The following GLT8D2 variants were observed in gnomAD, a reference collection of about 807,000 sequenced individuals.
GLT8D2 encodes the protein glycosyltransferase 8 domain-containing protein 2.
A neutral mutation model predicts 44.5 loss-of-function variants in GLT8D2; 45 were observed. The observed-to-expected ratio is 1.01, with a 90% confidence interval of 0.80 to 1.30. The LOEUF (loss-of-function observed/expected upper bound fraction) is 1.30. Among genes scored for constraint, GLT8D2 ranks in the 50% most tolerant of loss-of-function variants. GLT8D2 has a pLI of 0.00. For synonymous variants in GLT8D2, 156 were observed against 157.2 expected (o/e 0.99, Z 0.06); for missense variants, 400 against 430.4 (o/e 0.93, Z 0.62).
chr12:104,049,651 A>C (rs1213396192), intron 1 of GLT8D2, among the ~76,000 whole-genome samples: 1 of 152,214 alleles, frequency 6.6e-6, no homozygotes, highest in East Asian at 1.9e-4. Context: ...GGAGAAACCC[A>C]GGTCTGGAAA....
chr12:103,991,343 T>C (rs1196363887), intron 10 of GLT8D2, among the ~76,000 whole-genome samples: 1 of 152,142 alleles, frequency 6.6e-6, no homozygotes. Flanking sequence ...TGTGCCACCA[T>C]GCCCAGCTAA....
intron 1 of GLT8D2, among the ~76,000 whole-genome samples, chr12:104,056,211 G>C (rs138224717): frequency 6.6e-6 from 1 of 152,308 alleles, no homozygotes; most frequent in Non-Finnish European, 1.5e-5. Context: ...CTGGAGCCCT[G>C]CAATCTGTAA....
At chr12:104,011,373 C>T (rs1001586117) in intron 4 of GLT8D2, among the ~76,000 whole-genome samples, 5 of 152,194 alleles carry the variant, frequency 3.3e-5, no homozygotes, top group South Asian at 2.1e-4. Flanking sequence ...ATACTGCCTT[C>T]GTCCATTCCA....
At position 104,003,289 on chromosome 12, in the gene GLT8D2, G is replaced by A; in HGVS notation, c.130C>T (p.Pro44Ser). The A allele has an allele frequency of 6.2e-7, 1 of 1,614,024 alleles. No individual in the cohort carries two copies. Among genetic ancestry groups the A allele is most frequent in the Non-Finnish European group, 8.5e-7 (1 of 1,179,976 alleles). ...KNDADDESETPEELEEEIPVV... is the reference protein window; with the variant it reads ...KNDADDESETSEELEEEIPVV... ...GGAATCTCTTCTTCCAGTTCTTCAG[G>A]AGTCTCGGATTCATCATCTGGAAAC... Residue 44 changes from proline (P) to serine (S), a missense_variant, in exon 5 of 11, where the codon CCT becomes TCT. Transcript: ENST00000360814.
At chr12:104,056,028 C>A (rs1006137157) in intron 1 of GLT8D2, among the ~76,000 whole-genome samples, 15 of 152,240 alleles carry the variant, frequency 9.9e-5, no homozygotes, top group Admixed American at 9.8e-4. Flanking sequence ...TGCTCCAGCA[C>A]CTGAGTCTCA....
chr12:103,998,004 A>T (rs1458397555), intron 6 of GLT8D2, among the ~76,000 whole-genome samples: 1 of 151,964 alleles, frequency 6.6e-6, no homozygotes, highest in Non-Finnish European at 1.5e-5. Context: ...CTTGAACCAG[A>T]AAAAGGAGCA....
At chr12:104,052,556 G>A (rs1007207717), upstream of GLT8D2, among the ~76,000 whole-genome samples, 4 of 152,278 alleles carry the variant, frequency 2.6e-5, no homozygotes, top group Admixed American at 6.5e-5. Context: ...CAACAGTAGC[G>A]TTAAGTGGCA....
chr12:104,030,685 C>G (rs1297910050), intron 1 of GLT8D2: 1 of 1,581,688 alleles, frequency 6.3e-7, no homozygotes, highest in Non-Finnish European at 8.6e-7. Flanking sequence ...TCATACAACT[C>G]AATAGCAAAA....
intron 10 of GLT8D2, among the ~76,000 whole-genome samples, chr12:103,990,688 C>T (rs373482342): frequency 2.0e-5 from 3 of 152,204 alleles, no homozygotes; most frequent in African/African-American, 4.8e-5. Context: ...TACTAATAAA[C>T]ATAGCTGTGA....
chr12:103,999,611 T>C, intron 5 of GLT8D2, 97 bp from the exon 6 acceptor site: 1 of 726,854 alleles, frequency 1.4e-6, no homozygotes, highest in Non-Finnish European at 2.5e-6. Flanking sequence ...CCTAGAAAGT[T>C]AAAATTAAAA....
At chr12:104,053,041 A>G (rs1191944883), upstream of GLT8D2, among the ~76,000 whole-genome samples, 1 of 152,180 alleles carries the variant, frequency 6.6e-6, no homozygotes, top group Non-Finnish European at 1.5e-5. Context: ...CATGAGCGAA[A>G]ATAAGAACCA....
upstream of GLT8D2, among the ~76,000 whole-genome samples, chr12:104,051,913 T>G (rs1288719026): frequency 6.6e-6 from 1 of 152,214 alleles, no homozygotes; most frequent in Non-Finnish European, 1.5e-5. Context: ...CCAGTTACAC[T>G]GATTTGATCT....
chr12:104,029,533 G>C (rs1878998849), intron 1 of GLT8D2, among the ~76,000 whole-genome samples: 1 of 152,112 alleles, frequency 6.6e-6, no homozygotes, highest in African/African-American at 2.4e-5. Flanking sequence ...GAGAGGTACT[G>C]AGACAATGCT....
intron 9 of GLT8D2, chr12:103,994,035 CAACT>C (rs1873102896): frequency 5.2e-6 from 1 of 190,852 alleles, no homozygotes; most frequent in Non-Finnish European, 1.1e-5. Flanking sequence ...AGGGGAAACT[CAACT>C]AAGATAAATG....
chr12:103,997,914 T>TACACACACACACACAC (rs59719067), intron 6 of GLT8D2, among the ~76,000 whole-genome samples: 4 of 146,056 alleles, frequency 2.7e-5, no homozygotes, highest in African/African-American at 5.2e-5. Context: ...CAGCCTTAAA[T>TACACACACACACACAC]ACACACACAC....
chr12:104,022,676 T>C (rs1406084633), intron 1 of GLT8D2, among the ~76,000 whole-genome samples: 1 of 152,094 alleles, frequency 6.6e-6, no homozygotes, highest in Admixed American at 6.6e-5. Flanking sequence ...AAATAGCAGC[T>C]TTGGCATCTA....
At chr12:104,017,398 C>G (rs1430278938) in intron 3 of GLT8D2, among the ~76,000 whole-genome samples, 1 of 152,230 alleles carries the variant, frequency 6.6e-6, no homozygotes, top group African/African-American at 2.4e-5. Flanking sequence ...CCTTGGCTCA[C>G]TGCAACCTCT....
intron 5 of GLT8D2, among the ~76,000 whole-genome samples, chr12:104,000,335 A>G (rs1874037678): frequency 6.6e-6 from 1 of 152,240 alleles, no homozygotes; most frequent in African/African-American, 2.4e-5. Context: ...AAAAGTGTTC[A>G]ATGACATTAG....
At chr12:104,028,020 G>A (rs994915783) in intron 1 of GLT8D2, among the ~76,000 whole-genome samples, 1 of 152,224 alleles carries the variant, frequency 6.6e-6, no homozygotes, top group Non-Finnish European at 1.5e-5. Flanking sequence ...CAGAGGCAGA[G>A]GAATAGTAAA....
Sources: allele counts gnomAD v4.1 joint callset (sites outside exome capture counted in the v4.1 genomes callset), GRCh38; gene constraint gnomAD v4.1.1; transcripts MANE v1.5; gene names NCBI Gene and HGNC (gene_info 2026-07-23, HGNC 2026-07-21).